Variants in TASP1 observed in about 807,000 individuals in gnomAD.
TASP1 encodes the protein taspase 1, also known as threonine aspartase 1.
In TASP1, 16 loss-of-function variants were observed where a neutral mutation model predicts 56.6. That is an observed-to-expected ratio of 0.28 (90% CI 0.19 to 0.43). The LOEUF (loss-of-function observed/expected upper bound fraction) is 0.43, where lower values mean the gene tolerates loss of function less well. Ranked by LOEUF, TASP1 falls within the 20% of genes least tolerant of loss-of-function variation. The pLI is 1.00. For missense variants in TASP1, 393 were observed against 511.6 expected, an observed-to-expected ratio of 0.77 and a Z score of 2.24; for synonymous variants, 179 against 184.2, an observed-to-expected ratio of 0.97 and a Z score of 0.23.
At chr20:13,558,737 T>C (rs148864473) in intron 8 of TASP1, among the ~76,000 whole-genome samples, 102 of 152,216 alleles carry the variant, frequency 6.7e-4, no homozygotes, top group African/African-American at 2.3e-3. Context: ...TAATAATTTT[T>C]CCCTGATCAT....
chr20:13,317,779 C>T, the TASP1 span, among the ~76,000 whole-genome samples: 1 of 152,064 alleles, frequency 6.6e-6, no homozygotes, highest in Admixed American at 6.5e-5. Flanking sequence ...ATACCCTTCA[C>T]AAAAATTAAC....
At chr20:13,535,101 G>A (rs369752789) in intron 8 of TASP1, among the ~76,000 whole-genome samples, 1 of 152,012 alleles carries the variant, frequency 6.6e-6, no homozygotes, top group Admixed American at 6.6e-5. Flanking sequence ...CAGGCCCAAC[G>A]CCGGGTTCAA....
chr20:13,231,512 G>A, the TASP1 span, among the ~76,000 whole-genome samples: 3 of 152,206 alleles, frequency 2.0e-5, no homozygotes, highest in Non-Finnish European at 4.4e-5. Flanking sequence ...CCTCAGAGGC[G>A]TGTGGGATTG....
chr20:13,364,744 T>C, the TASP1 span, among the ~76,000 whole-genome samples: 1 of 152,136 alleles, frequency 6.6e-6, no homozygotes, highest in Admixed American at 6.5e-5. Flanking sequence ...CTGGGGTAGT[T>C]TGCTGTTCGT....
intron 4 of TASP1, among the ~76,000 whole-genome samples, chr20:13,595,176 TGA>T (rs2047681775): frequency 6.6e-6 from 1 of 152,144 alleles, no homozygotes; most frequent in Non-Finnish European, 1.5e-5. Flanking sequence ...AAGCAAATGC[TGA>T]GAGATTTTGT....
At chr20:13,126,751 CCTCT>C in the TASP1 span, 2 of 1,611,486 alleles carry the variant, frequency 1.2e-6, no homozygotes, top group Non-Finnish European at 8.5e-7. Context: ...AGCTCCTGGA[CCTCT>C]CTGTCTCCCT....
At chr20:13,588,307 A>AAGGAAGGAAGGG (rs1218049851) in intron 4 of TASP1, among the ~76,000 whole-genome samples, 81 of 111,254 alleles carry the variant, frequency 7.3e-4, no homozygotes, top group African/African-American at 2.2e-3. Flanking sequence ...GGAAGGAAGG[A>AAGGAAGGAAGGG]AGAGAAAGAA....
chr20:13,112,678 C>T, the TASP1 span, among the ~76,000 whole-genome samples: 1 of 152,180 alleles, frequency 6.6e-6, no homozygotes, highest in Non-Finnish European at 1.5e-5. Flanking sequence ...ATTTCACCCA[C>T]ACAGGAATGT....
At chr20:13,188,715 C>T in the TASP1 span, among the ~76,000 whole-genome samples, 2 of 152,112 alleles carry the variant, frequency 1.3e-5, no homozygotes, top group African/African-American at 2.4e-5. Flanking sequence ...CCACAAAAGA[C>T]CCTGAATACC....
chr20:13,638,560 A>T (rs114362874), intron 1 of TASP1, among the ~76,000 whole-genome samples: 4,260 of 152,070 alleles, frequency 0.028, 208 homozygotes, highest in African/African-American at 0.095. Context: ...CGAACCTCGG[A>T]CTCTGAGACA....
the TASP1 span, among the ~76,000 whole-genome samples, chr20:13,177,692 G>T: frequency 6.6e-6 from 1 of 152,128 alleles, no homozygotes; most frequent in Non-Finnish European, 1.5e-5. Context: ...ATGGTGCTGG[G>T]AAAACTGGAT....
chr20:13,297,986 G>A, the TASP1 span, among the ~76,000 whole-genome samples: 1 of 152,278 alleles, frequency 6.6e-6, no homozygotes, highest in South Asian at 2.1e-4. Flanking sequence ...TTAAGAGGCT[G>A]GGGGAACCAG....
At chr20:13,592,093 C>G (rs151108092) in intron 4 of TASP1, among the ~76,000 whole-genome samples, 10 of 151,980 alleles carry the variant, frequency 6.6e-5, no homozygotes, top group Admixed American at 2.0e-4. Flanking sequence ...TATATGCAGC[C>G]ATATCAACAA....
chr20:13,356,669 G>T, the TASP1 span, among the ~76,000 whole-genome samples: 5 of 152,092 alleles, frequency 3.3e-5, no homozygotes, highest in East Asian at 9.7e-4. Flanking sequence ...AACTTTTCTG[G>T]GTCCTTCAGG....
intron 10 of TASP1, among the ~76,000 whole-genome samples, chr20:13,523,615 C>G (rs1343765554): frequency 6.6e-6 from 1 of 152,030 alleles, no homozygotes; most frequent in East Asian, 1.9e-4. Flanking sequence ...AATATTGAGG[C>G]ATAAGGCTGT....
At position 13,390,304 on chromosome 20, in the gene TASP1, C is replaced by T. The variant is rs1188372843; in HGVS notation, c.*56G>A. 1.4e-5 allele frequency: 21 copies of T among 1,517,812 alleles called. No homozygotes were observed. Among genetic ancestry groups the T allele is most frequent in the Non-Finnish European group, 1.9e-5 (21 of 1,102,126 alleles). 94.0% of individuals were successfully genotyped at this position (1,517,812 alleles called of 1,614,324 possible). On this transcript the variant is annotated 3_prime_UTR_variant, in exon 14 of 14. Transcript: ENST00000337743. Reference sequence around the variant, plus strand: ...AAACAACCAACTTCAGTTAAAAACCCCCAAAAGCTCAGGTTCTGAAATGCC... The same window carrying T: ...AAACAACCAACTTCAGTTAAAAACCTCCAAAAGCTCAGGTTCTGAAATGCC...
chr20:13,578,205 C>CT (rs111836563), intron 6 of TASP1, among the ~76,000 whole-genome samples: 172 of 145,172 alleles, frequency 1.2e-3, no homozygotes, highest in Middle Eastern at 3.5e-3. Flanking sequence ...AAAATATCAT[C>CT]TTTTTTTTTT....
chr20:13,180,217 C>T, the TASP1 span, among the ~76,000 whole-genome samples: 1 of 152,196 alleles, frequency 6.6e-6, no homozygotes, highest in Non-Finnish European at 1.5e-5. Context: ...AATTACATAT[C>T]ACAAGATACA....
chr20:13,325,061 T>C, the TASP1 span, among the ~76,000 whole-genome samples: 5 of 152,236 alleles, frequency 3.3e-5, no homozygotes, highest in Admixed American at 6.5e-5. Context: ...CTGTTTATTT[T>C]ATAGGTAGTG....
Sources: gnomAD v4.1 joint callset for allele counts (sites outside exome capture counted in the v4.1 genomes callset) on GRCh38, gnomAD v4.1.1 for gene constraint, MANE v1.5 for transcripts, NCBI Gene and HGNC (gene_info 2026-07-23, HGNC 2026-07-21) for gene names.